LYRM4: variants seen among roughly 807,000 people sequenced by gnomAD.
LYRM4 encodes LYR motif-containing protein 4.
A neutral mutation model predicts 11.7 loss-of-function variants in LYRM4; 9 were observed. The ratio of observed to expected loss-of-function variants is 0.77; its 90% CI spans 0.46 to 1.34. LYRM4 has a LOEUF of 1.34. Ranked by LOEUF, LYRM4 falls within the 40% of genes most tolerant of loss-of-function variation. The pLI is 0.00. For missense variants in LYRM4, 133 were observed against 112.5 expected (o/e 1.18, Z -0.82); for synonymous variants, 42 against 40.4 (o/e 1.04, Z -0.15).
At chr6:5,052,096 C>CA in the LYRM4 span, among the ~76,000 whole-genome samples, 1 of 152,136 alleles carries the variant, frequency 6.6e-6, no homozygotes, top group East Asian at 1.9e-4. Flanking sequence ...GTCAAACATC[C>CA]AAACTGTAGC....
intron 2 of LYRM4, among the ~76,000 whole-genome samples, chr6:5,127,593 T>C (rs1345344362): frequency 6.6e-6 from 1 of 152,202 alleles, no homozygotes; most frequent in Non-Finnish European, 1.5e-5. Flanking sequence ...AAATACAGAC[T>C]GGGTTTCAAA....
chr6:5,077,486 T>G, the LYRM4 span, among the ~76,000 whole-genome samples: 1 of 152,190 alleles, frequency 6.6e-6, no homozygotes, highest in Non-Finnish European at 1.5e-5. Context: ...TGGTTTTTTC[T>G]GTTCATCAGT....
rs551195037 is a variant in LYRM4, at chr6:5,202,053, T to C, written c.207+14565A>G. On this transcript the variant is annotated intron_variant, in intron 2 of 2. Transcript: ENST00000330636. ...CGGCACCTGGTATATAAAACATAAA[T>C]GAAAAGTTAACTGCTTCAGCCTCCA... Among the ~76,000 whole-genome samples, 4 of 152,340 alleles carry C rather than the reference T, an allele frequency of 2.6e-5. No homozygotes were observed. The East Asian group carries it at 7.7e-4, about 29-fold the overall frequency.
chr6:5,086,022 G>T, the LYRM4 span: 3 of 1,493,978 alleles, frequency 2.0e-6, no homozygotes, highest in Non-Finnish European at 8.9e-7. Flanking sequence ...AGCTCGGGGG[G>T]CTGCTGGCCG....
the LYRM4 span, among the ~76,000 whole-genome samples, chr6:5,037,888 G>A: frequency 3.7e-5 from 2 of 54,582 alleles, 1 homozygote. Flanking sequence ...AGTAGGGGCG[G>A]CCGGGCAAAG....
chr6:5,077,276 A>G, the LYRM4 span, among the ~76,000 whole-genome samples: 2 of 152,240 alleles, frequency 1.3e-5, no homozygotes, highest in African/African-American at 2.4e-5. Flanking sequence ...TTCTTCCCTC[A>G]AAGAAAACTG....
chr6:5,223,197 C>G (rs1762686391), intron 1 of LYRM4, among the ~76,000 whole-genome samples: 1 of 152,182 alleles, frequency 6.6e-6, no homozygotes, highest in Non-Finnish European at 1.5e-5. Flanking sequence ...TCCTCAGATA[C>G]CTATTTTCAA....
chr6:5,086,550 G>C, the LYRM4 span: 6 of 1,525,080 alleles, frequency 3.9e-6, no homozygotes, highest in Admixed American at 6.0e-5. Context: ...CGCGCCCTGC[G>C]GACGCGCTCT....
chr6:5,239,309 T>A (rs1265197041), intron 1 of LYRM4, among the ~76,000 whole-genome samples: 1 of 152,126 alleles, frequency 6.6e-6, no homozygotes, highest in Non-Finnish European at 1.5e-5. Flanking sequence ...TGAGAGGCAA[T>A]GCTGGAGTGT....
chr6:5,061,583 G>A, the LYRM4 span, among the ~76,000 whole-genome samples: 1 of 152,214 alleles, frequency 6.6e-6, no homozygotes, highest in Non-Finnish European at 1.5e-5. Flanking sequence ...AACGCTGAAG[G>A]TGGCTAGGGG....
chr6:5,071,075 C>G, the LYRM4 span, among the ~76,000 whole-genome samples: 1 of 151,212 alleles, frequency 6.6e-6, no homozygotes, highest in African/African-American at 2.4e-5. Flanking sequence ...ATAACCCCAG[C>G]TAACTCGGGA....
At chr6:5,241,993 AC>A (rs1204959020) in intron 1 of LYRM4, among the ~76,000 whole-genome samples, 19 of 151,646 alleles carry the variant, frequency 1.3e-4, no homozygotes, top group African/African-American at 4.6e-4. Flanking sequence ...TATTACTACT[AC>A]CTTAATCTGT....
At chr6:5,208,993 T>G (rs1272770315) in intron 2 of LYRM4, among the ~76,000 whole-genome samples, 1 of 152,208 alleles carries the variant, frequency 6.6e-6, no homozygotes, top group Non-Finnish European at 1.5e-5. Context: ...TTCTGGTCAT[T>G]GTATATAAAT....
the LYRM4 span, among the ~76,000 whole-genome samples, chr6:5,042,056 C>A: frequency 6.6e-6 from 1 of 152,176 alleles, no homozygotes; most frequent in Middle Eastern, 3.4e-3. Context: ...ATCTAAGATG[C>A]AATTGTATGA....
At position 5,156,596 on chromosome 6, in the gene LYRM4, G is replaced by A. The variant is rs192963416; in HGVS notation, c.208-47105C>T. 6.9e-4 allele frequency among the ~76,000 whole-genome samples: 105 copies of A among 152,358 alleles called. 1 individual carries two copies. Among genetic ancestry groups the A allele is most frequent in the African/African-American group, 2.4e-3 (101 of 41,580 alleles). On this transcript the variant is annotated intron_variant, in intron 2 of 2. Transcript: ENST00000330636. The stretch of plus-strand genomic sequence containing the variant: ...GTGCATCTTGAAGGACTTCGAGTCT[G>A]GATGGGTGACCTGCGGAGGCTCCTT...
intron 2 of LYRM4, among the ~76,000 whole-genome samples, chr6:5,159,783 T>G (rs559464141): frequency 6.6e-6 from 1 of 152,354 alleles, no homozygotes; most frequent in South Asian, 2.1e-4. Flanking sequence ...TCTTGATACT[T>G]CCTTTAACCT....
intron 2 of LYRM4, among the ~76,000 whole-genome samples, chr6:5,215,750 A>G (rs1762237939): frequency 6.6e-6 from 1 of 152,232 alleles, no homozygotes; most frequent in Non-Finnish European, 1.5e-5. Context: ...CCCTTTCAAA[A>G]CAGCACAGCA....
intron 2 of LYRM4, among the ~76,000 whole-genome samples, chr6:5,111,582 C>G (rs1762883752): frequency 6.6e-6 from 1 of 152,240 alleles, no homozygotes; most frequent in African/African-American, 2.4e-5. Flanking sequence ...AGATGGATTC[C>G]TTCCAACTCT....
intron 2 of LYRM4, among the ~76,000 whole-genome samples, chr6:5,110,329 T>C (rs1762822950): frequency 9.2e-6 from 1 of 109,090 alleles, no homozygotes; most frequent in African/African-American, 3.8e-5. Flanking sequence ...GGGGTCAACA[T>C]CCTCATGGTT....
Sources: allele counts gnomAD v4.1 joint callset (sites outside exome capture counted in the v4.1 genomes callset), GRCh38; gene constraint gnomAD v4.1.1; transcripts MANE v1.5; gene names NCBI Gene and HGNC (gene_info 2026-07-23, HGNC 2026-07-21).